PBX1: variants seen among roughly 807,000 people sequenced by gnomAD.
PBX1 encodes the protein pre-B-cell leukemia transcription factor 1.
A neutral mutation model predicts 53.4 loss-of-function variants in PBX1; 6 were observed. The observed-to-expected ratio is 0.11, with a 90% CI of 0.06 to 0.22. PBX1 has a LOEUF of 0.22. PBX1 is among the 10% of genes least tolerant of loss of function. The pLI, the probability that PBX1 is intolerant of heterozygous loss-of-function variation, is 1.00. For missense variants in PBX1, 251 were observed against 551.4 expected (o/e 0.46, Z 5.46); for synonymous variants, 204 against 212.3 (o/e 0.96, Z 0.34).
intron 2 of PBX1, among the ~76,000 whole-genome samples, chr1:164,743,802 C>T (rs1422807609): frequency 1.3e-5 from 2 of 152,170 alleles, no homozygotes; most frequent in African/African-American, 2.4e-5. Context: ...AATGGGAATA[C>T]TTCTCAACTG....
At chr1:164,672,706 C>T (rs971605964) in intron 2 of PBX1, among the ~76,000 whole-genome samples, 2 of 152,204 alleles carry the variant, frequency 1.3e-5, no homozygotes, top group South Asian at 2.1e-4. Flanking sequence ...AAATGTGTAG[C>T]GGCGTGCCTT....
At chr1:164,855,893 A>G (rs1671966056), downstream of PBX1, among the ~76,000 whole-genome samples, 1 of 152,188 alleles carries the variant, frequency 6.6e-6, no homozygotes, top group South Asian at 2.1e-4. Flanking sequence ...AAATTCAAAA[A>G]TGTAAAATGG....
chr1:164,627,005 T>C (rs1189413348), intron 2 of PBX1, among the ~76,000 whole-genome samples: 3 of 152,244 alleles, frequency 2.0e-5, no homozygotes, highest in Non-Finnish European at 2.9e-5. Context: ...ATCTTATAAA[T>C]TTAATATTAA....
At chr1:164,798,758 C>A (rs541141335) in intron 3 of PBX1, among the ~76,000 whole-genome samples, 44 of 152,336 alleles carry the variant, frequency 2.9e-4, no homozygotes, top group African/African-American at 8.9e-4. Flanking sequence ...TGAATCCTCT[C>A]AATCATGTTT....
At chr1:164,716,764 A>G (rs570408114) in intron 2 of PBX1, among the ~76,000 whole-genome samples, 1 of 151,830 alleles carries the variant, frequency 6.6e-6, no homozygotes, top group East Asian at 1.9e-4. Context: ...AAAAGAATCT[A>G]TTAACGAAAA....
At chr1:164,671,370 T>C (rs1200581087) in intron 2 of PBX1, among the ~76,000 whole-genome samples, 1 of 152,182 alleles carries the variant, frequency 6.6e-6, no homozygotes, top group African/African-American at 2.4e-5. Context: ...CAATTCTGAT[T>C]AGCCGTGTGA....
chr1:164,823,638 AC>A (rs1347528349), intron 8 of PBX1, among the ~76,000 whole-genome samples: 1 of 149,336 alleles, frequency 6.7e-6, no homozygotes, highest in Non-Finnish European at 1.5e-5. Context: ...GTCAACACTG[AC>A]CCCTCTGACA....
At chr1:164,826,324 A>C (rs990205946) in intron 8 of PBX1, among the ~76,000 whole-genome samples, 3 of 152,248 alleles carry the variant, frequency 2.0e-5, no homozygotes, top group African/African-American at 7.2e-5. Context: ...CTCGTTACAC[A>C]AACTTTTCCC....
intron 2 of PBX1, among the ~76,000 whole-genome samples, chr1:164,791,169 C>T (rs755018290): frequency 1.1e-4 from 17 of 152,194 alleles, no homozygotes; most frequent in Non-Finnish European, 7.3e-5. Flanking sequence ...GACTTGGCTG[C>T]TGACAACTGA....
intron 2 of PBX1, among the ~76,000 whole-genome samples, chr1:164,757,857 A>T: frequency 6.6e-6 from 1 of 152,256 alleles, no homozygotes; most frequent in African/African-American, 2.4e-5. Flanking sequence ...CTATGTTCTC[A>T]TCTTTGGTGG....
chr1:164,672,867 G>C (rs1356576212), intron 2 of PBX1, among the ~76,000 whole-genome samples: 6 of 152,104 alleles, frequency 3.9e-5, no homozygotes. Context: ...AAATTCATCT[G>C]GTAAATATGT....
intron 2 of PBX1, among the ~76,000 whole-genome samples, chr1:164,717,617 A>G (rs375160671): frequency 2.2e-4 from 34 of 152,308 alleles, no homozygotes; most frequent in African/African-American, 7.7e-4. Flanking sequence ...GAAACTTAGA[A>G]CAGACACACC....
At chr1:164,700,407 T>G (rs907144954) in intron 2 of PBX1, 2 of 969,624 alleles carry the variant, frequency 2.1e-6, no homozygotes, top group African/African-American at 1.8e-5. Flanking sequence ...CTGTTATTTC[T>G]CCATTGGAGA....
At chr1:164,638,508 C>G (rs937676132) in intron 2 of PBX1, among the ~76,000 whole-genome samples, 1 of 152,210 alleles carries the variant, frequency 6.6e-6, no homozygotes, top group Non-Finnish European at 1.5e-5. Flanking sequence ...GGTGCTGCCT[C>G]TACTGAGCCC....
At chr1:164,633,925 A>G (rs1658578193) in intron 2 of PBX1, among the ~76,000 whole-genome samples, 1 of 152,198 alleles carries the variant, frequency 6.6e-6, no homozygotes, top group South Asian at 2.1e-4. Flanking sequence ...TTCACTCTCC[A>G]GCAGTGGCCT....
intron 2 of PBX1, among the ~76,000 whole-genome samples, chr1:164,790,824 G>A (rs951161719): frequency 4.6e-5 from 7 of 152,166 alleles, no homozygotes; most frequent in Non-Finnish European, 1.0e-4. Context: ...ATGTGATGAC[G>A]CTCAAACATC....
intron 2 of PBX1, among the ~76,000 whole-genome samples, chr1:164,595,064 G>A (rs2101783081): frequency 6.6e-6 from 1 of 152,310 alleles, no homozygotes; most frequent in Non-Finnish European, 1.5e-5. Flanking sequence ...TATAGCCTGG[G>A]CTTGGAACTT....
intron 2 of PBX1, among the ~76,000 whole-genome samples, chr1:164,860,433 T>C (rs1672071033): frequency 6.6e-6 from 1 of 152,320 alleles, no homozygotes. Context: ...TCTTTTCTCC[T>C]TTTTACTAGG....
At position 164,559,687 on chromosome 1, in the gene PBX1, T is replaced by C. The variant is rs1652879416; in HGVS notation, c.-136T>C. 1.7e-6 allele frequency: 1 copy of C among 591,908 alleles called. No homozygotes were observed. The highest frequency in any genetic ancestry group is 3.5e-5 in the East Asian group (1 of 28,648). 36.7% of individuals were successfully genotyped at this position (591,908 alleles called of 1,614,324 possible). ...AAGGGATTTTTTTTTTCTTTTGGTC[T>C]TCTTTTTTCCCCCTTCCCTGTTTAT... is the stretch of plus-strand genomic sequence containing the variant. On this transcript the variant is annotated 5_prime_UTR_variant, in exon 1 of 9. Transcript: ENST00000420696.
Sources: allele counts gnomAD v4.1 joint callset (sites outside exome capture counted in the v4.1 genomes callset), GRCh38; gene constraint gnomAD v4.1.1; transcripts MANE v1.5; gene names NCBI Gene and HGNC (gene_info 2026-07-23, HGNC 2026-07-21).